Variants in SLC26A7 observed in about 807,000 individuals in gnomAD.
SLC26A7 encodes the protein solute carrier family 26 member 7, also known as anion exchange transporter.
In SLC26A7, 59 loss-of-function variants were observed where a neutral mutation model predicts 82.5. The ratio of observed to expected loss-of-function variants is 0.72; its 90% CI spans 0.58 to 0.89. The LOEUF is 0.89. Among genes scored for constraint, SLC26A7 ranks in the 40% least tolerant of loss-of-function variants. The probability of loss-of-function intolerance (pLI) is 0.00; values close to 1 mark genes in which losing one functional copy is unlikely to be tolerated. For synonymous variants in SLC26A7, 271 were observed against 274.3 expected (o/e 0.99, Z 0.12); for missense variants, 820 against 793.0 (o/e 1.03, Z -0.41).
At chr8:91,215,284 C>T (rs956641583) in intron 1 of SLC26A7, among the ~76,000 whole-genome samples, 29 of 152,112 alleles carry the variant, frequency 1.9e-4, no homozygotes, top group Non-Finnish European at 5.9e-5. Flanking sequence ...CCATCTTATG[C>T]TCTTTTTCTA....
chr8:91,247,206 T>C (rs541347230), upstream of SLC26A7, among the ~76,000 whole-genome samples: 1 of 152,348 alleles, frequency 6.6e-6, no homozygotes, highest in Admixed American at 6.5e-5. Flanking sequence ...AATCCATGTA[T>C]GAAGTAGAAG....
intron 2 of SLC26A7, among the ~76,000 whole-genome samples, chr8:91,221,077 A>T (rs1202643951): frequency 6.6e-6 from 1 of 152,124 alleles, no homozygotes; most frequent in African/African-American, 2.4e-5. Flanking sequence ...GTGGAGTGAG[A>T]TTATCTCATT....
At position 91,278,613 on chromosome 8, in the gene SLC26A7, A is replaced by G. The variant is rs559550768; in HGVS notation, c.194-10523A>G. ...AATTTGGTGTGATTTCTCATTCTAA[A>G]TAAATATTTGCCTTTTTTTAATTAA... On this transcript the variant is annotated intron_variant, in intron 2 of 18. Transcript: ENST00000276609. Among the ~76,000 whole-genome samples, 180 of 152,278 alleles carry G rather than the reference A, an allele frequency of 1.2e-3. 1 individual carries two copies. The highest frequency in any genetic ancestry group is 4.2e-3 in the African/African-American group (175 of 41,554).
rs1192309139 is a variant in SLC26A7 at position 91,363,540 on chromosome 8, T to TA, written c.1488+4dup. 2 of 1,461,548 alleles carry TA rather than the reference T, an allele frequency of 1.4e-6. No individual in the cohort carries two copies. Among genetic ancestry groups the TA allele is most frequent in the African/African-American group, 1.4e-5 (1 of 70,254 alleles). 90.5% of individuals were successfully genotyped at this position (1,461,548 alleles called of 1,614,324 possible). On this transcript the variant is annotated splice_region_variant and intron_variant, in intron 13 of 18. Transcript: ENST00000276609. ...AAAGTGAAGACAGAAATGGACAGTG[T>TA]AAGTTTAGTTTTATTTTTCCTTTAT...
intron 2 of SLC26A7, among the ~76,000 whole-genome samples, chr8:91,232,785 T>C (rs770060772): frequency 4.6e-4 from 70 of 152,358 alleles, no homozygotes; most frequent in Non-Finnish European, 7.3e-4. Flanking sequence ...CTAACAGGCT[T>C]GTAATACACC....
intron 2 of SLC26A7, among the ~76,000 whole-genome samples, chr8:91,231,573 TTTTTCTTTTC>T (rs556033191): frequency 5.3e-5 from 8 of 152,162 alleles, no homozygotes; most frequent in Admixed American, 2.0e-4. Context: ...TTCTTTTTTC[TTTTTCTTTTC>T]TTTTCTTTTC....
Position 91,334,410 on chromosome 8 carries a change from G to A in SLC26A7, c.758G>A (p.Arg253Lys). 2 of 1,612,928 alleles carry A rather than the reference G, an allele frequency of 1.2e-6. No homozygotes were observed. Among genetic ancestry groups the A allele is most frequent in the Non-Finnish European group, 1.7e-6 (2 of 1,179,418 alleles). The change falls in exon 6 of 19, where the codon AGG becomes AAG. Residue 253 changes from arginine to lysine, a missense_variant. Coordinates refer to ENST00000276609, the MANE Select transcript of SLC26A7 (RefSeq NM_052832.4). ...LVKELNEQFK[R>K]KIKVVLPVDL... ...AAAGAGCTGAATGAACAGTTTAAAA[G>A]GAAAATTAAAGTTGTTCTTCCTGTA...
chr8:91,364,609 T>C (rs558850797), intron 13 of SLC26A7, among the ~76,000 whole-genome samples: 5 of 152,314 alleles, frequency 3.3e-5, no homozygotes, highest in African/African-American at 1.2e-4. Flanking sequence ...AAGTCCCCTG[T>C]GTATCCACAC....
At chr8:91,259,882 T>C (rs1324212255) in intron 2 of SLC26A7, among the ~76,000 whole-genome samples, 1 of 152,044 alleles carries the variant, frequency 6.6e-6, no homozygotes, top group East Asian at 1.9e-4. Flanking sequence ...TCTGGATAAT[T>C]TAGGGCAAAT....
At chr8:91,325,435 G>A (rs1364045416) in intron 5 of SLC26A7, among the ~76,000 whole-genome samples, 1 of 152,122 alleles carries the variant, frequency 6.6e-6, no homozygotes, top group Non-Finnish European at 1.5e-5. Context: ...GGAACGGAGG[G>A]TGAAGGCACT....
intron 2 of SLC26A7, 124 bp from the exon 3 acceptor site, chr8:91,289,012 G>A (rs1811788840): frequency 4.7e-6 from 3 of 644,252 alleles, no homozygotes; most frequent in Non-Finnish European, 8.3e-6. Context: ...CTAGACTCTT[G>A]TTGAGCAAGT....
At chr8:91,383,045 A>G (rs1336454841) in intron 15 of SLC26A7, among the ~76,000 whole-genome samples, 5 of 152,212 alleles carry the variant, frequency 3.3e-5, no homozygotes, top group African/African-American at 1.2e-4. Context: ...CTTAAAATTG[A>G]GATTCAAGAG....
chr8:91,209,562 T>A (rs752084821), intron 1 of SLC26A7: 2 of 152,284 alleles, frequency 1.3e-5, no homozygotes, highest in Non-Finnish European at 2.9e-5. Context: ...CTATAGAATA[T>A]TCTTTGGACG....
At chr8:91,272,083 T>C (rs1270170349) in intron 2 of SLC26A7, among the ~76,000 whole-genome samples, 5 of 152,342 alleles carry the variant, frequency 3.3e-5, no homozygotes, top group Non-Finnish European at 7.3e-5. Context: ...GCCTCTGTAA[T>C]GAACTTCTTA....
At chr8:91,387,792 G>A (rs901041570) in intron 15 of SLC26A7, among the ~76,000 whole-genome samples, 1 of 151,964 alleles carries the variant, frequency 6.6e-6, no homozygotes, top group African/African-American at 2.4e-5. Context: ...AGTATTATAA[G>A]CTCCTAAAGA....
intron 9 of SLC26A7, among the ~76,000 whole-genome samples, chr8:91,344,939 T>G (rs897667120): frequency 1.3e-5 from 2 of 151,958 alleles, no homozygotes; most frequent in Non-Finnish European, 2.9e-5. Flanking sequence ...AGCAGTTTTT[T>G]TTTTCTTTTT....
chr8:91,320,049 T>C (rs543251452), intron 5 of SLC26A7, among the ~76,000 whole-genome samples: 1 of 152,282 alleles, frequency 6.6e-6, no homozygotes, highest in African/African-American at 2.4e-5. Context: ...AGATCAACAC[T>C]GTGGGACTTT....
intron 15 of SLC26A7, among the ~76,000 whole-genome samples, chr8:91,385,699 G>C (rs1814782145): frequency 6.6e-6 from 1 of 152,118 alleles, no homozygotes; most frequent in Non-Finnish European, 1.5e-5. Context: ...CACACTCTCA[G>C]ACAATGGAAG....
At chr8:91,309,009 G>C (rs1812401957) in intron 4 of SLC26A7, among the ~76,000 whole-genome samples, 1 of 152,128 alleles carries the variant, frequency 6.6e-6, no homozygotes, top group African/African-American at 2.4e-5. Context: ...AAAGCTGTTA[G>C]ACTTTAAGAT....
Sources: gnomAD v4.1 joint callset for allele counts (sites outside exome capture counted in the v4.1 genomes callset) on GRCh38, gnomAD v4.1.1 for gene constraint, MANE v1.5 for transcripts, NCBI Gene and HGNC (gene_info 2026-07-23, HGNC 2026-07-21) for gene names.